The following ANKS1B variants were observed in gnomAD, a reference collection of about 807,000 sequenced individuals.
ANKS1B encodes the protein ankyrin repeat and sterile alpha motif domain-containing protein 1B.
ANKS1B carries 36 observed loss-of-function variants against 148.3 expected under a neutral mutation model. The ratio of observed to expected loss-of-function variants is 0.24; its 90% CI spans 0.19 to 0.32. The LOEUF is 0.32. ANKS1B is among the 10% of genes least tolerant of loss of function. ANKS1B has a pLI of 1.00. For missense variants in ANKS1B, 1,157 were observed against 1,542.6 expected, an observed-to-expected ratio of 0.75 and a Z score of 4.19; for synonymous variants, 542 against 560.8, an observed-to-expected ratio of 0.97 and a Z score of 0.47.
intron 1 of ANKS1B, among the ~76,000 whole-genome samples, chr12:99,934,785 G>T (rs2094716430): frequency 6.6e-6 from 1 of 151,946 alleles, no homozygotes; most frequent in Non-Finnish European, 1.5e-5. Flanking sequence ...AAAAAGACAT[G>T]GATTCTTCAA....
chr12:98,876,001 C>A (rs995314023), intron 17 of ANKS1B, among the ~76,000 whole-genome samples: 1 of 152,112 alleles, frequency 6.6e-6, no homozygotes, highest in Admixed American at 6.5e-5. Context: ...CCTGCAGGAA[C>A]CATAACAAAA....
At chr12:99,764,748 T>C (rs1479022690) in intron 8 of ANKS1B, among the ~76,000 whole-genome samples, 4 of 152,188 alleles carry the variant, frequency 2.6e-5, no homozygotes, top group Non-Finnish European at 5.9e-5. Context: ...TACTAAAATA[T>C]ATTTATCTAA....
intron 6 of ANKS1B, among the ~76,000 whole-genome samples, chr12:99,778,126 G>A (rs1295683777): frequency 2.6e-5 from 4 of 152,018 alleles, no homozygotes; most frequent in African/African-American, 7.2e-5. Flanking sequence ...TGTGAACCGG[G>A]GAGGCAGAGC....
rs187111546 is a variant in ANKS1B at position 99,170,326 on chromosome 12, C to T, written c.2420-15931G>A. Among the ~76,000 whole-genome samples the T allele has an allele frequency of 1.4e-3, 213 of 152,200 alleles. 2 individuals carry two copies. The highest frequency in any genetic ancestry group is 5.0e-3 in the African/African-American group (207 of 41,506). ...AGCCCAGACTCTCGAGCCAGACTGC[C>T]TGGGTTTGAATCCTGGCTCTTTTCC... On this transcript the variant is annotated intron_variant, in intron 14 of 26. Transcript: ENST00000683438.
At chr12:99,807,956 A>T (rs561965675) in intron 3 of ANKS1B, among the ~76,000 whole-genome samples, 6 of 152,274 alleles carry the variant, frequency 3.9e-5, no homozygotes, top group African/African-American at 1.4e-4. Context: ...TGTCTACTTC[A>T]TGGACAAGTA....
intron 17 of ANKS1B, among the ~76,000 whole-genome samples, chr12:98,872,218 A>G (rs1048712984): frequency 6.6e-6 from 1 of 152,150 alleles, no homozygotes; most frequent in African/African-American, 2.4e-5. Flanking sequence ...TATGAATGAG[A>G]CTGTAGTTGA....
intron 15 of ANKS1B, among the ~76,000 whole-genome samples, chr12:99,147,387 C>T (rs943011164): frequency 3.3e-5 from 5 of 152,024 alleles, no homozygotes; most frequent in Admixed American, 1.3e-4. Flanking sequence ...AAAGAGGAAG[C>T]GGTGAAAGAT....
At chr12:99,418,347 A>T (rs2094970239) in intron 11 of ANKS1B, among the ~76,000 whole-genome samples, 1 of 152,232 alleles carries the variant, frequency 6.6e-6, no homozygotes, top group African/African-American at 2.4e-5. Flanking sequence ...TAAAAGTGTT[A>T]GATTTATATC....
chr12:99,787,601 C>T (rs1245969099), intron 4 of ANKS1B, among the ~76,000 whole-genome samples: 1 of 152,224 alleles, frequency 6.6e-6, no homozygotes. Flanking sequence ...GTCTTCCCCA[C>T]TGGAACACCG....
chr12:98,986,611 C>A (rs972812397), intron 17 of ANKS1B, among the ~76,000 whole-genome samples: 1 of 151,590 alleles, frequency 6.6e-6, no homozygotes, highest in Non-Finnish European at 1.5e-5. Context: ...TCTACTGGAT[C>A]TTTTGTTTTG....
chr12:99,953,050 A>T (rs1456972958), intron 1 of ANKS1B, among the ~76,000 whole-genome samples: 1 of 152,190 alleles, frequency 6.6e-6, no homozygotes, highest in Non-Finnish European at 1.5e-5. Flanking sequence ...AGCTCAAGAT[A>T]AAGGTCAGAA....
intron 1 of ANKS1B, among the ~76,000 whole-genome samples, chr12:99,850,997 C>T (rs530381801): frequency 6.6e-6 from 1 of 152,154 alleles, no homozygotes; most frequent in African/African-American, 2.4e-5. Context: ...TAATGGGGGA[C>T]ATCTATGTTT....
At chr12:99,423,037 T>C (rs1352688256) in intron 11 of ANKS1B, among the ~76,000 whole-genome samples, 5 of 152,130 alleles carry the variant, frequency 3.3e-5, no homozygotes, top group Admixed American at 6.6e-5. Context: ...GACTTCCAGT[T>C]TCTCTGGAAA....
intron 9 of ANKS1B, among the ~76,000 whole-genome samples, chr12:99,596,302 C>T (rs2097758097): frequency 6.6e-6 from 1 of 151,748 alleles, no homozygotes; most frequent in Admixed American, 6.6e-5. Flanking sequence ...TATCATCAAT[C>T]CTTGGTGTTC....
At chr12:99,575,105 T>C (rs368680960) in intron 9 of ANKS1B, among the ~76,000 whole-genome samples, 9 of 152,046 alleles carry the variant, frequency 5.9e-5, no homozygotes, top group African/African-American at 1.9e-4. Flanking sequence ...CAGTAAACCA[T>C]TGGACAGATC....
intron 1 of ANKS1B, among the ~76,000 whole-genome samples, chr12:99,901,809 T>A (rs1300190661): frequency 6.6e-6 from 1 of 152,016 alleles, no homozygotes; most frequent in African/African-American, 2.4e-5. Context: ...CTAATGGCTA[T>A]GTGATCAAGC....
At chr12:99,926,498 T>C (rs554792218) in intron 1 of ANKS1B, among the ~76,000 whole-genome samples, 1 of 152,312 alleles carries the variant, frequency 6.6e-6, no homozygotes, top group South Asian at 2.1e-4. Flanking sequence ...ATCAGTTTTT[T>C]CCTGCCTTCT....
intron 12 of ANKS1B, among the ~76,000 whole-genome samples, chr12:99,332,063 C>T (rs985955955): frequency 2.0e-5 from 3 of 152,010 alleles, no homozygotes; most frequent in African/African-American, 7.2e-5. Context: ...GTTCCTTCCA[C>T]AGTTTGTTCC....
intron 9 of ANKS1B, among the ~76,000 whole-genome samples, chr12:99,521,093 TCTGA>T (rs2096870823): frequency 1.3e-5 from 2 of 152,096 alleles, no homozygotes; most frequent in Non-Finnish European, 2.9e-5. Flanking sequence ...CTGTTCCTGG[TCTGA>T]CTGTGTATTT....
Sources: allele counts gnomAD v4.1 joint callset (sites outside exome capture counted in the v4.1 genomes callset), GRCh38; gene constraint gnomAD v4.1.1; transcripts MANE v1.5; gene names NCBI Gene and HGNC (gene_info 2026-07-23, HGNC 2026-07-21).